The following SHISA9 variants were observed in gnomAD, a reference collection of about 807,000 sequenced individuals.
SHISA9 encodes protein shisa-9.
A neutral mutation model predicts 38.0 loss-of-function variants in SHISA9; 13 were observed. The observed-to-expected ratio is 0.34, with a 90% confidence interval of 0.22 to 0.54. The LOEUF is 0.54. Ranked by LOEUF, SHISA9 falls within the 20% of genes least tolerant of loss-of-function variation. The probability of loss-of-function intolerance (pLI) is 0.91; values close to 1 mark genes in which losing one functional copy is unlikely to be tolerated. For missense variants in SHISA9, 538 were observed against 575.8 expected, an observed-to-expected ratio of 0.93 and a Z score of 0.67; for synonymous variants, 275 against 242.0, an observed-to-expected ratio of 1.14 and a Z score of -1.27.
intron 2 of SHISA9, among the ~76,000 whole-genome samples, chr16:13,139,382 C>CT: frequency 8.8e-6 from 1 of 114,190 alleles, no homozygotes; most frequent in African/African-American, 3.6e-5. Context: ...CCCTCCGTCC[C>CT]TCCCTTCCTT....
intron 2 of SHISA9, among the ~76,000 whole-genome samples, chr16:13,019,887 CTTTCTTTCTTTCTTTCTTTCTTT>C (rs2072818683): frequency 2.1e-3 from 28 of 13,110 alleles, no homozygotes; most frequent in East Asian, 3.7e-3. Flanking sequence ...TCCCTCCCTT[CTTTCTTTCTTTCTTTCTTTCTTT>C]CTTTCTTTCT....
At position 13,079,766 on chromosome 16, in the gene SHISA9, A is replaced by G. The variant is rs558593477; in HGVS notation, c.692-123628A>G. The stretch of plus-strand genomic sequence containing the variant: ...CCTTGACAAAAATTCTATTGTCATG[A>G]CATTGTTCAGTTTATACATGGAGAA... On this transcript the variant is annotated intron_variant, in intron 2 of 4. Coordinates refer to ENST00000558583, the MANE Select transcript of SHISA9 (RefSeq NM_001145204.3). Among the ~76,000 whole-genome samples, 5 of 152,332 alleles carry G rather than the reference A, an allele frequency of 3.3e-5. No individual in the cohort carries two copies. In the East Asian group the frequency reaches 9.6e-4, roughly 29 times the overall value.
the SHISA9 span, among the ~76,000 whole-genome samples, chr16:13,453,827 C>T: frequency 1.3e-5 from 2 of 152,190 alleles, no homozygotes; most frequent in African/African-American, 4.8e-5. Flanking sequence ...GACTGCAGCT[C>T]ACCTCACTCC....
the SHISA9 span, among the ~76,000 whole-genome samples, chr16:13,318,569 G>A: frequency 5.3e-5 from 8 of 151,984 alleles, no homozygotes; most frequent in African/African-American, 1.9e-4. Context: ...CAGGTGATCT[G>A]CCCACCTCTG....
At position 13,060,180 on chromosome 16, in the gene SHISA9, C is replaced by T. The variant is rs536669256; in HGVS notation, c.692-143214C>T. 3.9e-5 allele frequency among the ~76,000 whole-genome samples: 6 copies of T among 152,232 alleles called. No homozygotes were observed. The East Asian group carries it at 5.8e-4, about 15-fold the overall frequency. ...GCCGGTTTCCTCTGTTCTCTCAATG[C>T]GCCCCGATGTGCCACATTATTGAAG... is the stretch of plus-strand genomic sequence containing the variant. On this transcript the variant is annotated intron_variant, in intron 2 of 4. Transcript: ENST00000558583.
At chr16:13,292,119 C>T in the SHISA9 span, among the ~76,000 whole-genome samples, 1 of 151,738 alleles carries the variant, frequency 6.6e-6, no homozygotes, top group African/African-American at 2.4e-5. Flanking sequence ...AGTGTGGAGA[C>T]ATCATGGCCC....
intron 2 of SHISA9, among the ~76,000 whole-genome samples, chr16:13,124,193 C>T (rs2050237390): frequency 6.6e-6 from 1 of 152,172 alleles, no homozygotes; most frequent in Non-Finnish European, 1.5e-5. Flanking sequence ...CCTCTTAAAG[C>T]CTGACAGAGG....
intron 2 of SHISA9, among the ~76,000 whole-genome samples, chr16:12,958,524 G>A (rs1468437523): frequency 2.0e-5 from 3 of 152,220 alleles, no homozygotes; most frequent in Non-Finnish European, 4.4e-5. Context: ...GACACAATAT[G>A]TCTTCATAAT....
intron 2 of SHISA9, among the ~76,000 whole-genome samples, chr16:13,181,547 T>G (rs1318740704): frequency 6.6e-6 from 1 of 151,738 alleles, no homozygotes; most frequent in Middle Eastern, 3.2e-3. Context: ...TGCAGGACCT[T>G]GTCATACATG....
the SHISA9 span, among the ~76,000 whole-genome samples, chr16:13,352,115 T>G: frequency 6.6e-6 from 1 of 151,978 alleles, no homozygotes; most frequent in Admixed American, 6.6e-5. Context: ...AAAACATTCC[T>G]CCCTCCACTC....
the SHISA9 span, among the ~76,000 whole-genome samples, chr16:13,517,575 T>C: frequency 7.9e-5 from 12 of 152,328 alleles, no homozygotes; most frequent in South Asian, 1.0e-3. Context: ...CTTTAAACCA[T>C]CCCTGAAGGC....
intron 4 of SHISA9, among the ~76,000 whole-genome samples, chr16:13,227,234 G>A (rs1377512640): frequency 6.6e-6 from 1 of 152,224 alleles, no homozygotes; most frequent in Non-Finnish European, 1.5e-5. Flanking sequence ...TGAACAAACA[G>A]CTCGAAGACT....
At chr16:13,271,450 A>G in the SHISA9 span, among the ~76,000 whole-genome samples, 1 of 152,142 alleles carries the variant, frequency 6.6e-6, no homozygotes, top group Non-Finnish European at 1.5e-5. Flanking sequence ...GGTTATTATG[A>G]CCAGTGCTGT....
chr16:13,513,369 A>T, the SHISA9 span, among the ~76,000 whole-genome samples: 1 of 152,226 alleles, frequency 6.6e-6, no homozygotes, highest in South Asian at 2.1e-4. Context: ...GAGAAATAGG[A>T]ATGTTTTTAC....
chr16:13,258,913 C>T, the SHISA9 span, among the ~76,000 whole-genome samples: 1 of 152,102 alleles, frequency 6.6e-6, no homozygotes, highest in East Asian at 1.9e-4. Flanking sequence ...ATCATTCCAC[C>T]CCTGGCCCCT....
chr16:13,011,814 C>G (rs1431381902), intron 2 of SHISA9, among the ~76,000 whole-genome samples: 1 of 152,078 alleles, frequency 6.6e-6, no homozygotes, highest in Non-Finnish European at 1.5e-5. Context: ...AGCCACCGTG[C>G]CTGGCCTTTG....
At chr16:12,917,209 T>C (rs2071269907) in intron 2 of SHISA9, among the ~76,000 whole-genome samples, 2 of 152,254 alleles carry the variant, frequency 1.3e-5, no homozygotes, top group South Asian at 4.1e-4. Flanking sequence ...TGCTAGCTTA[T>C]ACGTCTGCCT....
chr16:13,140,095 C>T (rs553704942), intron 2 of SHISA9, among the ~76,000 whole-genome samples: 4 of 20,164 alleles, frequency 2.0e-4, no homozygotes, highest in African/African-American at 5.5e-4. Flanking sequence ...TCTTCCCTTC[C>T]CTTCCCTTCC....
the SHISA9 span, among the ~76,000 whole-genome samples, chr16:13,283,110 G>C: frequency 6.6e-6 from 1 of 152,010 alleles, no homozygotes; most frequent in Non-Finnish European, 1.5e-5. Context: ...TAAAGACTTT[G>C]AATTCTAGTT....
Sources: allele counts gnomAD v4.1 joint callset (sites outside exome capture counted in the v4.1 genomes callset), GRCh38; gene constraint gnomAD v4.1.1; transcripts MANE v1.5; gene names NCBI Gene and HGNC (gene_info 2026-07-23, HGNC 2026-07-21).